ASMT: variants seen among roughly 807,000 people sequenced by gnomAD.
The protein encoded by ASMT is acetylserotonin N-methyltransferase.
In ASMT, 53 loss-of-function variants were observed where a neutral mutation model predicts 41.3. The observed-to-expected ratio is 1.28, with a 90% CI of 1.03 to 1.61. The LOEUF is 1.61. Ranked by LOEUF, ASMT falls within the 40% of genes most tolerant of loss-of-function variation. The probability of loss-of-function intolerance (pLI) is 0.00; values close to 1 mark genes in which losing one functional copy is unlikely to be tolerated. For synonymous variants in ASMT, 231 were observed against 184.8 expected (o/e 1.25, Z -2.03); for missense variants, 531 against 441.3 (o/e 1.20, Z -1.82).
At position 1,627,772 on chromosome X, in the gene ASMT, G is replaced by A; in HGVS notation, c.443+1G>A. 6.2e-7 allele frequency: 1 copy of A among 1,613,652 alleles called. No homozygotes were observed. The highest frequency in any genetic ancestry group is 8.5e-7 in the Non-Finnish European group (1 of 1,179,582). Reference sequence around the variant, plus strand: ...AAGAGCTTTTTACGGCCATCTACAGGTAACACCCATCACTTTGAAACCAAC... The same window carrying A: ...AAGAGCTTTTTACGGCCATCTACAGATAACACCCATCACTTTGAAACCAAC... On this transcript the variant is annotated splice_donor_variant, in intron 4 of 8. Transcript: ENST00000381241. LOFTEE classifies it high-confidence loss of function.
chrX:1,617,175 T>TA (rs1184429134), intron 1 of ASMT, among the ~76,000 whole-genome samples: 1 of 149,044 alleles, frequency 6.7e-6, no homozygotes, highest in Non-Finnish European at 1.5e-5. Flanking sequence ...TGAGTCTCTT[T>TA]AAAAAATAAA....
At chrX:1,630,059 C>A in intron 5 of ASMT, 120 bp downstream of exon 5, 1 of 934,068 alleles carries the variant, frequency 1.1e-6, no homozygotes, top group Admixed American at 1.7e-5. Flanking sequence ...CCTTACTGGT[C>A]TTAGAGGAAT....
intron 1 of ASMT, among the ~76,000 whole-genome samples, chrX:1,617,299 G>A (rs1482581884): frequency 7.9e-5 from 12 of 151,616 alleles, no homozygotes; most frequent in African/African-American, 2.4e-4. Context: ...GTGAAACCCC[G>A]TCTCTACTAG....
chrX:1,623,768 G>A (rs1934422640), intron 2 of ASMT, among the ~76,000 whole-genome samples: 1 of 151,906 alleles, frequency 6.6e-6, no homozygotes, highest in Non-Finnish European at 1.5e-5. Context: ...TCATCACGTT[G>A]GCCAGGCTGG....
chrX:1,625,661 G>A (rs1412834311), intron 3 of ASMT, among the ~76,000 whole-genome samples: 1 of 151,872 alleles, frequency 6.6e-6, no homozygotes, highest in African/African-American at 2.4e-5. Flanking sequence ...CAATAGAAAG[G>A]AGTGTCTGGG....
chrX:1,642,199 A>G (rs1353214182), intron 8 of ASMT, among the ~76,000 whole-genome samples: 1 of 141,500 alleles, frequency 7.1e-6, no homozygotes, highest in Non-Finnish European at 1.5e-5. Flanking sequence ...TGATAAGGAC[A>G]GTGTTCCAGC....
chrX:1,629,080 CTT>C, intron 4 of ASMT, among the ~76,000 whole-genome samples: 1 of 96,090 alleles, frequency 1.0e-5, no homozygotes, highest in Admixed American at 1.1e-4. Flanking sequence ...TCTTTCCTTT[CTT>C]TATATATATA....
At position 1,627,789 on chromosome X, in the gene ASMT, G is replaced by A; in HGVS notation, c.443+18G>A. The A allele has an allele frequency of 6.2e-7, 1 of 1,610,762 alleles. No individual in the cohort carries two copies. On this transcript the variant is annotated intron_variant, in intron 4 of 8. Coordinates refer to ENST00000381241, the MANE Select transcript of ASMT (RefSeq NM_001171038.2). Reference sequence around the variant, plus strand: ...ATCTACAGGTAACACCCATCACTTTGAAACCAACAACTCAGATAAGATTCT... The same window carrying A: ...ATCTACAGGTAACACCCATCACTTTAAAACCAACAACTCAGATAAGATTCT...
intron 3 of ASMT, among the ~76,000 whole-genome samples, chrX:1,624,749 G>GC (rs1934466036): frequency 1.8e-5 from 1 of 56,726 alleles, no homozygotes; most frequent in Non-Finnish European, 3.2e-5. Context: ...GGTGGTGGCT[G>GC]ACCACAGGCA....
At chrX:1,616,694 AC>A (rs1230579507) in intron 1 of ASMT, among the ~76,000 whole-genome samples, 1 of 150,484 alleles carries the variant, frequency 6.6e-6, no homozygotes, top group Admixed American at 6.6e-5. Context: ...ACATAGTGAG[AC>A]CCCCCATTTC....
rs1368821642 is a variant in ASMT at position 1,621,734 on chromosome X, T to C, written c.70-1405T>C. ...TATTGAGACGGAGTTTCGCTCTTGT[T>C]GCCCAGGCTGGAGTGCAATGGCACG... On this transcript the variant is annotated intron_variant, in intron 1 of 8. Transcript: ENST00000381241. 2.0e-5 allele frequency among the ~76,000 whole-genome samples: 3 copies of C among 152,254 alleles called. No homozygotes were observed. The South Asian group carries it at 6.2e-4, about 32-fold the overall frequency.
At chrX:1,630,582 G>T (rs1934736972) in intron 5 of ASMT, among the ~76,000 whole-genome samples, 1 of 151,860 alleles carries the variant, frequency 6.6e-6, no homozygotes, top group African/African-American at 2.4e-5. Flanking sequence ...TTTTGAGAGA[G>T]GGTCCTGTTT....
chrX:1,632,956 C>T (rs1215574815), intron 6 of ASMT, 169 bp downstream of exon 6: 1 of 164,838 alleles, frequency 6.1e-6, no homozygotes, highest in African/African-American at 2.4e-5. Flanking sequence ...CACATGGATA[C>T]CTATGTAACA....
At chrX:1,615,632 A>G (rs1934059139) in intron 1 of ASMT, among the ~76,000 whole-genome samples, 1 of 151,898 alleles carries the variant, frequency 6.6e-6, no homozygotes, top group Non-Finnish European at 1.5e-5. Context: ...GAGAAACCCC[A>G]TCTCTACTAA....
In ASMT at chrX:1,641,565, C is replaced by A. The variant is rs1463774096; in HGVS notation, c.911-1238C>A. Among the ~76,000 whole-genome samples, 9 of 149,562 alleles carry A rather than the reference C, an allele frequency of 6.0e-5. 1 individual carries two copies. The highest frequency in any genetic ancestry group is 1.0e-4 in the Non-Finnish European group (7 of 67,366). Reference sequence around the variant, plus strand: ...GTCCCAGTTCTCCTGTGAGGTCCACCCATCCTGATGGTTCATGAGGATGTG... The same window carrying A: ...GTCCCAGTTCTCCTGTGAGGTCCACACATCCTGATGGTTCATGAGGATGTG... On this transcript the variant is annotated intron_variant, in intron 8 of 8. Transcript: ENST00000381241.
chrX:1,629,831 G>A lies in ASMT; in HGVS notation c.454G>A (p.Glu152Lys), dbSNP rs200723020. Reference protein sequence around the residue: ...LFTAIYRSEGERLQFMQALQE... With the variant: ...LFTAIYRSEGKRLQFMQALQE... ...GGTTTTGCATGCCAGGTCCGAGGGC[G>A]AGCGGCTACAGTTCATGCAAGCTCT... Residue 152 changes from glutamate to lysine, a missense_variant, in exon 5 of 9, where the codon GAG becomes AAG. Transcript: ENST00000381241. The A allele has an allele frequency of 3.3e-5, 54 of 1,613,890 alleles. No homozygotes were observed. Among genetic ancestry groups the A allele is most frequent in the African/African-American group, 4.0e-5 (3 of 75,034 alleles).
chrX:1,624,067 C>T (rs1282209026), intron 2 of ASMT: 8 of 190,570 alleles, frequency 4.2e-5, no homozygotes, highest in African/African-American at 1.2e-4. Context: ...CCGAACCCGA[C>T]GGGGGTGCTA....
At chrX:1,632,855 G>A in intron 6 of ASMT, 68 bp downstream of exon 6, 2 of 516,438 alleles carry the variant, frequency 3.9e-6, no homozygotes, top group Non-Finnish European at 7.0e-6. Flanking sequence ...GCCTGTCAGG[G>A]CCTGGGGGGC....
chrX:1,636,992 C>G, intron 8 of ASMT, among the ~76,000 whole-genome samples: 1 of 66,556 alleles, frequency 1.5e-5, no homozygotes, highest in Admixed American at 1.3e-4. Context: ...TGGGCACAGC[C>G]TCTGTGTGTG....
Sources: gnomAD v4.1 joint callset for allele counts (sites outside exome capture counted in the v4.1 genomes callset) on GRCh38, gnomAD v4.1.1 for gene constraint, MANE v1.5 for transcripts, NCBI Gene and HGNC (gene_info 2026-07-23, HGNC 2026-07-21) for gene names.